NRXN3: variants seen among roughly 807,000 people sequenced by gnomAD.
NRXN3 encodes neurexin III.
Under a neutral mutation model 137.6 loss-of-function variants are expected in NRXN3, and 32 were observed. That is an observed-to-expected ratio of 0.23 (90% confidence interval 0.18 to 0.31). NRXN3 has a LOEUF of 0.31. NRXN3 is among the 10% of genes least tolerant of loss of function. NRXN3 has a pLI of 1.00. For missense variants in NRXN3, 1,574 were observed against 2,062.5 expected (o/e 0.76, Z 4.59); for synonymous variants, 798 against 784.5 (o/e 1.02, Z -0.29).
intron 20 of NRXN3, among the ~76,000 whole-genome samples, chr14:79,808,352 G>A (rs1197044081): frequency 6.6e-6 from 1 of 150,588 alleles, no homozygotes; most frequent in Non-Finnish European, 1.5e-5. Flanking sequence ...TCAGTTTCTT[G>A]GGCAAGATTT....
At chr14:79,436,315 T>A (rs2095845374) in intron 15 of NRXN3, among the ~76,000 whole-genome samples, 1 of 152,224 alleles carries the variant, frequency 6.6e-6, no homozygotes, top group Non-Finnish European at 1.5e-5. Context: ...CTTGTTTGAT[T>A]TGTAAAATAA....
At chr14:78,523,000 T>A (rs2096308400) in intron 4 of NRXN3, among the ~76,000 whole-genome samples, 1 of 152,264 alleles carries the variant, frequency 6.6e-6, no homozygotes, top group South Asian at 2.1e-4. Context: ...TGGGTCTATG[T>A]TATTTGATTT....
chr14:79,111,184 A>G (rs2053454094), intron 15 of NRXN3, among the ~76,000 whole-genome samples: 1 of 152,186 alleles, frequency 6.6e-6, no homozygotes, highest in Admixed American at 6.5e-5. Flanking sequence ...TGACTCTGGA[A>G]TAGTGCAGGA....
intron 10 of NRXN3, among the ~76,000 whole-genome samples, chr14:78,866,514 G>A (rs993585342): frequency 1.3e-5 from 2 of 152,122 alleles, no homozygotes; most frequent in African/African-American, 4.8e-5. Context: ...AATGAACACA[G>A]TTTAGCATTT....
At chr14:79,440,068 A>G (rs2095908044) in intron 15 of NRXN3, among the ~76,000 whole-genome samples, 1 of 152,334 alleles carries the variant, frequency 6.6e-6, no homozygotes, top group East Asian at 1.9e-4. Flanking sequence ...CTAAAAACAA[A>G]CCTTTCATAA....
intron 8 of NRXN3, among the ~76,000 whole-genome samples, chr14:78,768,075 CA>C (rs79591478): frequency 0.011 from 929 of 81,598 alleles, 2 homozygotes; most frequent in Non-Finnish European, 0.013. Context: ...ATGTGTTTAC[CA>C]AAAAAAAAAA....
chr14:79,801,587 G>A (rs879495163), intron 19 of NRXN3, among the ~76,000 whole-genome samples: 10 of 151,892 alleles, frequency 6.6e-5, no homozygotes, highest in South Asian at 2.1e-4. Context: ...CTGAATCTAC[G>A]TAGAGGAGTT....
intron 15 of NRXN3, among the ~76,000 whole-genome samples, chr14:79,405,300 A>T (rs78315155): frequency 1.3e-5 from 2 of 152,260 alleles, no homozygotes; most frequent in East Asian, 1.9e-4. Flanking sequence ...TTAAATGGGG[A>T]TGTGCTATCA....
chr14:79,822,969 C>T (rs1441961117), intron 20 of NRXN3, among the ~76,000 whole-genome samples: 1 of 152,162 alleles, frequency 6.6e-6, no homozygotes, highest in East Asian at 1.9e-4. Context: ...AGTCTCTGTG[C>T]TAACTCTAGA....
chr14:79,653,522 C>G (rs2098487499), intron 16 of NRXN3, among the ~76,000 whole-genome samples: 1 of 152,128 alleles, frequency 6.6e-6, no homozygotes, highest in Admixed American at 6.5e-5. Context: ...CTATTCCTAG[C>G]TACTACCATC....
chr14:78,817,495 A>G (rs1450966283), intron 10 of NRXN3, among the ~76,000 whole-genome samples: 2 of 152,174 alleles, frequency 1.3e-5, no homozygotes, highest in Non-Finnish European at 2.9e-5. Flanking sequence ...TGTTGCTATG[A>G]TAGAATACTT....
chr14:79,090,094 A>G (rs2048878129), intron 15 of NRXN3, among the ~76,000 whole-genome samples: 1 of 152,180 alleles, frequency 6.6e-6, no homozygotes, highest in South Asian at 2.1e-4. Context: ...TCAATTTTAT[A>G]GAGGACTGAC....
intron 15 of NRXN3, among the ~76,000 whole-genome samples, chr14:79,455,537 C>A (rs182159695): frequency 6.6e-6 from 1 of 152,208 alleles, no homozygotes; most frequent in African/African-American, 2.4e-5. Flanking sequence ...AAACTTGAAT[C>A]TCCTTTCCAA....
chr14:79,250,876 A>G (rs1051329436), intron 15 of NRXN3, among the ~76,000 whole-genome samples: 1 of 152,226 alleles, frequency 6.6e-6, no homozygotes, highest in East Asian at 1.9e-4. Flanking sequence ...ACTTAAAAGA[A>G]AGAATCATTT....
At chr14:79,294,179 AT>A (rs2083651247) in intron 15 of NRXN3, among the ~76,000 whole-genome samples, 1 of 152,180 alleles carries the variant, frequency 6.6e-6, no homozygotes, top group South Asian at 2.1e-4. Context: ...TGATTATTTT[AT>A]CTTTATTTCC....
intron 6 of NRXN3, among the ~76,000 whole-genome samples, chr14:78,697,632 T>A (rs2098240132): frequency 6.6e-6 from 1 of 152,010 alleles, no homozygotes; most frequent in African/African-American, 2.4e-5. Flanking sequence ...AGGGCCTATA[T>A]ACCATCACCT....
chr14:78,175,608 G>C (rs1280436039), intron 1 of NRXN3, among the ~76,000 whole-genome samples: 1 of 152,186 alleles, frequency 6.6e-6, no homozygotes, highest in Admixed American at 6.5e-5. Context: ...AGCCTTGAGG[G>C]CCAGCTCTGT....
At chr14:78,601,728 A>G (rs1414240269) in intron 4 of NRXN3, among the ~76,000 whole-genome samples, 1 of 152,152 alleles carries the variant, frequency 6.6e-6, no homozygotes, top group Admixed American at 6.5e-5. Flanking sequence ...TGCTGGGATT[A>G]CAGGTGTGAG....
At chr14:79,191,809 C>A (rs1316131631) in intron 15 of NRXN3, among the ~76,000 whole-genome samples, 1 of 152,108 alleles carries the variant, frequency 6.6e-6, no homozygotes, top group Non-Finnish European at 1.5e-5. Context: ...AGATCCTTGA[C>A]CTTTCCACTG....
Sources: allele counts gnomAD v4.1 joint callset (sites outside exome capture counted in the v4.1 genomes callset), GRCh38; gene constraint gnomAD v4.1.1; transcripts MANE v1.5; gene names NCBI Gene and HGNC (gene_info 2026-07-23, HGNC 2026-07-21).